The following NCOA1 variants were observed in gnomAD, a reference collection of about 807,000 sequenced individuals.
NCOA1 encodes the protein Hin-2 protein.
A neutral mutation model predicts 150.9 loss-of-function variants in NCOA1; 35 were observed. The observed-to-expected ratio is 0.23, with a 90% CI of 0.18 to 0.31. The LOEUF is 0.31. Ranked by LOEUF, NCOA1 falls within the 10% of genes least tolerant of loss-of-function variation. NCOA1 has a pLI of 1.00. For synonymous variants in NCOA1, 590 were observed against 630.0 expected (o/e 0.94, Z 0.95); for missense variants, 1,491 against 1,749.3 (o/e 0.85, Z 2.63).
chr2:24,652,008 A>T (rs1031567056), intron 4 of NCOA1, among the ~76,000 whole-genome samples: 9 of 152,098 alleles, frequency 5.9e-5, no homozygotes, highest in Non-Finnish European at 1.5e-5. Flanking sequence ...GTTACTGTAT[A>T]ACCTAACAGT....
At chr2:24,614,514 G>C (rs912193192) in intron 3 of NCOA1, among the ~76,000 whole-genome samples, 1 of 151,924 alleles carries the variant, frequency 6.6e-6, no homozygotes, top group Non-Finnish European at 1.5e-5. Flanking sequence ...ACAGGTATGA[G>C]TCATTGCACC....
intron 11 of NCOA1, among the ~76,000 whole-genome samples, chr2:24,701,256 G>T (rs1673143839): frequency 6.6e-6 from 1 of 152,092 alleles, no homozygotes; most frequent in African/African-American, 2.4e-5. Flanking sequence ...TGTAATCCCA[G>T]CCCTTGGGAG....
At chr2:24,491,701 C>T (rs1662966714) in intron 1 of NCOA1, among the ~76,000 whole-genome samples, 99 bp downstream of exon 1, 1 of 151,166 alleles carries the variant, frequency 6.6e-6, no homozygotes, top group Admixed American at 6.6e-5. Context: ...AGCTGGCGCC[C>T]CTCCGCCCCC....
At chr2:24,688,009 G>T (rs1447863573) in intron 8 of NCOA1, among the ~76,000 whole-genome samples, 4 of 152,126 alleles carry the variant, frequency 2.6e-5, no homozygotes, top group Non-Finnish European at 4.4e-5. Flanking sequence ...TGCAGTGTTT[G>T]GTTTTCTGTT....
intron 3 of NCOA1, among the ~76,000 whole-genome samples, chr2:24,596,735 T>C (rs367869733): frequency 1.4e-4 from 22 of 152,328 alleles, no homozygotes; most frequent in African/African-American, 5.1e-4. Context: ...ATCATTTTTG[T>C]GTATACTTAA....
At chr2:24,705,805 A>C (rs2289394) in intron 12 of NCOA1, among the ~76,000 whole-genome samples, 3 of 151,892 alleles carry the variant, frequency 2.0e-5, no homozygotes, top group Non-Finnish European at 4.4e-5. Context: ...ATTAAAAACA[A>C]AGACATTTCC....
intron 2 of NCOA1, among the ~76,000 whole-genome samples, chr2:24,576,170 G>GTTTTTT (rs869093026): frequency 6.5e-5 from 3 of 46,328 alleles, no homozygotes; most frequent in Non-Finnish European, 9.3e-5. Flanking sequence ...TTTGTTTTTT[G>GTTTTTT]TTTTTTTTTT....
intron 3 of NCOA1, among the ~76,000 whole-genome samples, chr2:24,614,189 C>A (rs1252280339): frequency 1.5e-4 from 6 of 39,554 alleles, no homozygotes; most frequent in Admixed American, 1.0e-3. Context: ...TGTATCGATT[C>A]ATTTCCATTC....
rs553714406 is a variant in NCOA1 at position 24,707,419 on chromosome 2, T to G, written c.1949T>G (p.Ile650Arg). 6 of 1,614,230 alleles carry G rather than the reference T, an allele frequency of 3.7e-6. No individual in the cohort carries two copies. The highest frequency in any genetic ancestry group is 5.1e-6 in the Non-Finnish European group (6 of 1,180,046). Residue 650 changes from isoleucine to arginine, a missense_variant, in exon 13 of 23, where the codon ATA (isoleucine) becomes AGA (arginine). By Grantham distance (97) the Ile-to-Arg change is moderately conservative. Around this residue, in one of 8 missense-constraint regions of NCOA1, gnomAD observed 703 missense variants for 717.7 expected, o/e 0.98. Coordinates refer to ENST00000348332, the MANE Select transcript of NCOA1 (RefSeq NM_003743.5). Reference protein sequence around the residue: ...TAEQQLRHADIDTSCKDVLSC... With the variant: ...TAEQQLRHADRDTSCKDVLSC... Reference sequence around the variant, plus strand: ...GAACAGCAGTTACGGCATGCTGATATAGACACAAGCTGCAAAGATGTCCTG... The same window carrying G: ...GAACAGCAGTTACGGCATGCTGATAGAGACACAAGCTGCAAAGATGTCCTG...
intron 1 of NCOA1, among the ~76,000 whole-genome samples, chr2:24,526,458 A>G (rs1664655347): frequency 6.6e-6 from 1 of 152,010 alleles, no homozygotes; most frequent in Admixed American, 6.6e-5. Context: ...GGGCAGAAAT[A>G]TTTGGGTTCC....
chr2:24,766,719 AG>A (rs1665083701), intron 22 of NCOA1, among the ~76,000 whole-genome samples: 1 of 152,158 alleles, frequency 6.6e-6, no homozygotes, highest in Non-Finnish European at 1.5e-5. Flanking sequence ...GAGGGCTGGC[AG>A]GAGGATCGTT....
In NCOA1 at chr2:24,741,801, A is replaced by T; in HGVS notation, c.3321A>T (p.Gln1107His). Reference sequence around the variant, plus strand: ...CTTTTCAGCCACCCCTGAATGCTCAAATGTTGGCACAACGTCAGCGGGAAC... The same window carrying T: ...CTTTTCAGCCACCCCTGAATGCTCATATGTTGGCACAACGTCAGCGGGAAC... ...QITPQPPLNAQMLAQRQRELY... is the reference protein window; with the variant it reads ...QITPQPPLNAHMLAQRQRELY... Residue 1107 changes from glutamine to histidine, a missense_variant, in exon 19 of 23, where the codon CAA becomes CAT. Physicochemically the swap from Gln to His is conservative, Grantham distance 24 (BLOSUM62 0). Around this residue, in one of 8 missense-constraint regions of NCOA1, gnomAD observed 485 missense variants for 522.8 expected, o/e 0.93. Transcript: ENST00000348332. The T allele has an allele frequency of 1.2e-6, 2 of 1,613,254 alleles. No homozygotes were observed. Among genetic ancestry groups the T allele is most frequent in the South Asian group, 1.1e-5 (1 of 90,928 alleles).
intron 9 of NCOA1, 25 bp from the exon 10 acceptor site, chr2:24,693,227 A>T: frequency 6.2e-7 from 1 of 1,605,326 alleles, no homozygotes; most frequent in Non-Finnish European, 8.5e-7. Context: ...TCTATCCTTC[A>T]ATTTCCCCGT....
intron 1 of NCOA1, among the ~76,000 whole-genome samples, chr2:24,527,881 C>A (rs1664718165): frequency 6.6e-6 from 1 of 152,128 alleles, no homozygotes; most frequent in African/African-American, 2.4e-5. Flanking sequence ...AAGGTGATAT[C>A]TCATAGTGTT....
chr2:24,662,519 A>G (rs1465719586), intron 5 of NCOA1, among the ~76,000 whole-genome samples: 1 of 152,122 alleles, frequency 6.6e-6, no homozygotes, highest in African/African-American at 2.4e-5. Flanking sequence ...TGCTTCTTAA[A>G]TTTCTGGGCT....
intron 11 of NCOA1, among the ~76,000 whole-genome samples, chr2:24,699,673 A>G (rs1673062204): frequency 6.6e-6 from 1 of 152,214 alleles, no homozygotes; most frequent in Non-Finnish European, 1.5e-5. Flanking sequence ...CCTGACAAAC[A>G]GGTTTTGTGG....
intron 8 of NCOA1, among the ~76,000 whole-genome samples, chr2:24,686,235 T>A (rs758534536): frequency 1.3e-5 from 2 of 152,204 alleles, no homozygotes; most frequent in Non-Finnish European, 2.9e-5. Context: ...TCTCCTGATC[T>A]CAGGTGATCT....
At chr2:24,662,866 C>T (rs1671245723) in intron 5 of NCOA1, among the ~76,000 whole-genome samples, 1 of 151,902 alleles carries the variant, frequency 6.6e-6, no homozygotes, top group African/African-American at 2.4e-5. Flanking sequence ...TAACTCACTG[C>T]AGCCTCCAAC....
At chr2:24,765,453 C>T (rs1475906598) in intron 22 of NCOA1, among the ~76,000 whole-genome samples, 1 of 150,972 alleles carries the variant, frequency 6.6e-6, no homozygotes, top group Admixed American at 6.6e-5. Flanking sequence ...GAGCCGAGAT[C>T]GTGCCACTGC....
Sources: allele counts gnomAD v4.1 joint callset (sites outside exome capture counted in the v4.1 genomes callset), GRCh38; gene constraint gnomAD v4.1.1; regional missense constraint gnomAD v4.1.1; transcripts MANE v1.5; gene names NCBI Gene and HGNC (gene_info 2026-07-23, HGNC 2026-07-21).